The following LMLN variants were observed in gnomAD, a reference collection of about 807,000 sequenced individuals.
LMLN encodes leishmanolysin like peptidase, also known as leishmanolysin-like peptidase.
Under a neutral mutation model 92.3 loss-of-function variants are expected in LMLN, and 70 were observed. The observed-to-expected ratio is 0.76, with a 90% CI of 0.63 to 0.92. The LOEUF (loss-of-function observed/expected upper bound fraction) is 0.92. LMLN is among the 40% of genes least tolerant of loss of function. LMLN has a pLI of 0.00. For missense variants in LMLN, 691 were observed against 814.6 expected (o/e 0.85, Z 1.85); for synonymous variants, 308 against 296.2 (o/e 1.04, Z -0.41).
chr3:197,996,791 C>T (rs1052777020), intron 10 of LMLN, among the ~76,000 whole-genome samples: 8 of 152,060 alleles, frequency 5.3e-5, no homozygotes, highest in African/African-American at 9.7e-5. Context: ...TTTTTAGAGA[C>T]AGGGCCTCAC....
intron 3 of LMLN, among the ~76,000 whole-genome samples, chr3:197,975,621 A>T (rs1046945253): frequency 1.3e-5 from 2 of 152,238 alleles, no homozygotes; most frequent in Non-Finnish European, 2.9e-5. Context: ...AACATAAACT[A>T]TCTTAGTGTT....
At chr3:197,994,089 CT>C (rs1227240752) in intron 9 of LMLN, among the ~76,000 whole-genome samples, 1 of 152,110 alleles carries the variant, frequency 6.6e-6, no homozygotes, top group African/African-American at 2.4e-5. Flanking sequence ...AAATTTGACC[CT>C]TATCTCACAC....
intron 5 of LMLN, among the ~76,000 whole-genome samples, chr3:197,977,701 T>TA (rs1205443584): frequency 2.0e-5 from 3 of 147,944 alleles, no homozygotes; most frequent in South Asian, 2.1e-4. Flanking sequence ...TGGATACATA[T>TA]AAAAAATCAC....
chr3:197,991,407 A>G (rs1721865405), intron 9 of LMLN, among the ~76,000 whole-genome samples: 1 of 152,056 alleles, frequency 6.6e-6, no homozygotes, highest in South Asian at 2.1e-4. Context: ...CACTTGGCCA[A>G]GAGGTAACTT....
At chr3:197,969,572 A>T (rs1249716771) in intron 1 of LMLN, among the ~76,000 whole-genome samples, 1 of 152,172 alleles carries the variant, frequency 6.6e-6, no homozygotes, top group Non-Finnish European at 1.5e-5. Context: ...GATAGAGAGC[A>T]TCCTTTTTAC....
exon 13 of LMLN, chr3:198,021,544 T>C (rs369818092): frequency 5.0e-6 from 8 of 1,614,064 alleles, no homozygotes; most frequent in South Asian, 1.1e-5. Flanking sequence ...AGGAATTCAG[T>C]TGGCATTTAA....
rs780249964 is a variant in LMLN at position 197,968,455 on chromosome 3, CA to C, written c.220-5911del. Among the ~76,000 whole-genome samples, 115 of 136,224 alleles carry C rather than the reference CA, an allele frequency of 8.4e-4. 3 individuals carry two copies. In the South Asian group the frequency reaches 0.015, roughly 18 times the overall value. The allele number at this position is 136,224 out of a possible 152,430, so 89.4% of individuals were successfully genotyped here. On this transcript the variant is annotated intron_variant, in intron 1 of 15. Transcript: ENST00000330198. Reference sequence around the variant, plus strand: ...TGGGTAACAGAGCAAGACTCTGTCTCAAAAAAAAAAAGAAAAGAAATTGTAA... The same window carrying C: ...TGGGTAACAGAGCAAGACTCTGTCTCAAAAAAAAAAGAAAAGAAATTGTAA...
intron 13 of LMLN, 148 bp downstream of exon 14, chr3:198,021,753 T>A: frequency 1.6e-6 from 1 of 627,426 alleles, no homozygotes; most frequent in Non-Finnish European, 2.7e-6. Flanking sequence ...AGAAGTGACT[T>A]AACTTTTCCC....
intron 11 of LMLN, among the ~76,000 whole-genome samples, chr3:198,005,660 A>G (rs1374748667): frequency 6.8e-6 from 1 of 146,278 alleles, no homozygotes; most frequent in Non-Finnish European, 1.5e-5. Flanking sequence ...TTTGAGACAG[A>G]GTCTCACTCT....
At chr3:197,973,570 C>T (rs971734414) in intron 1 of LMLN, among the ~76,000 whole-genome samples, 1 of 151,998 alleles carries the variant, frequency 6.6e-6, no homozygotes, top group African/African-American at 2.4e-5. Context: ...TTTTAAGGGC[C>T]ATAAAATAAT....
intron 15 of LMLN, among the ~76,000 whole-genome samples, chr3:198,037,123 G>A (rs1039900488): frequency 2.0e-5 from 3 of 152,182 alleles, no homozygotes; most frequent in Non-Finnish European, 2.9e-5. Flanking sequence ...TTCACCAGAA[G>A]GACTCACAGG....
chr3:198,030,404 C>T (rs1424962717), intron 14 of LMLN, among the ~76,000 whole-genome samples: 1 of 152,186 alleles, frequency 6.6e-6, no homozygotes, highest in African/African-American at 2.4e-5. Context: ...CCCCGTTCTC[C>T]CCAGTATTTC....
exon 16 of LMLN, chr3:198,038,723 G>A (rs1723305762): frequency 1.4e-6 from 2 of 1,405,012 alleles, no homozygotes; most frequent in South Asian, 2.3e-5. Flanking sequence ...TGTGAACAAA[G>A]CACAAAGTTT....
intron 14 of LMLN, among the ~76,000 whole-genome samples, chr3:198,027,521 C>G (rs952010005): frequency 3.3e-5 from 5 of 152,092 alleles, no homozygotes; most frequent in Admixed American, 1.3e-4. Flanking sequence ...CCTCTTCCTC[C>G]TCCCCCAGCC....
intron 5 of LMLN, among the ~76,000 whole-genome samples, chr3:197,977,398 A>G (rs1263018860): frequency 6.6e-6 from 1 of 152,134 alleles, no homozygotes; most frequent in Admixed American, 6.5e-5. Context: ...ATATAAAATC[A>G]TCAAACAATC....
exon 1 of LMLN, chr3:197,960,265 G>T (rs959867760): frequency 1.2e-6 from 2 of 1,613,338 alleles, no homozygotes; most frequent in Admixed American, 1.7e-5. Context: ...GAATGGGGCG[G>T]AGGAGTGGGT....
At chr3:197,976,837 A>AG (rs1721397478) in intron 5 of LMLN, 122 bp downstream of exon 5, 1 of 480,690 alleles carries the variant, frequency 2.1e-6, no homozygotes, top group African/African-American at 2.0e-5. Flanking sequence ...TACAAAAAGT[A>AG]ACCACAGATA....
chr3:197,991,052 A>G (rs1721851795), intron 9 of LMLN, among the ~76,000 whole-genome samples: 2 of 152,198 alleles, frequency 1.3e-5, no homozygotes, highest in Non-Finnish European at 2.9e-5. Context: ...TACACAAAGA[A>G]AGAATACGAG....
chr3:197,971,957 T>TTTTTTTTTTTTTG, intron 1 of LMLN, among the ~76,000 whole-genome samples: 1 of 149,712 alleles, frequency 6.7e-6, no homozygotes, highest in Non-Finnish European at 1.5e-5. Flanking sequence ...TTTTTTTTTT[T>TTTTTTTTTTTTTG]TTTTTTTTTT....
Sources: gnomAD v4.1 joint callset for allele counts (sites outside exome capture counted in the v4.1 genomes callset) on GRCh38, gnomAD v4.1.1 for gene constraint, MANE v1.5 for transcripts, NCBI Gene and HGNC (gene_info 2026-07-23, HGNC 2026-07-21) for gene names.